The following SRD5A2 variants were observed in gnomAD, a reference collection of about 807,000 sequenced individuals.
The protein encoded by SRD5A2 is 3-oxo-5-alpha-steroid 4-dehydrogenase 2.
SRD5A2 carries 30 observed loss-of-function variants against 27.4 expected under a neutral mutation model. The ratio of observed to expected loss-of-function variants is 1.10; its 90% CI spans 0.82 to 1.49. The LOEUF (loss-of-function observed/expected upper bound fraction) is 1.49. Among genes scored for constraint, SRD5A2 ranks in the 40% most tolerant of loss-of-function variants. SRD5A2 has a pLI of 0.00. For synonymous variants in SRD5A2, 141 were observed against 133.6 expected (o/e 1.06, Z -0.38); for missense variants, 348 against 323.4 (o/e 1.08, Z -0.58).
chr2:31,640,861 CAA>C, the SRD5A2 span, among the ~76,000 whole-genome samples: 38 of 144,058 alleles, frequency 2.6e-4, no homozygotes, highest in Admixed American at 1.2e-3. Flanking sequence ...TGGTTTAAGG[CAA>C]AAAAAAAAGT....
upstream of SRD5A2, among the ~76,000 whole-genome samples, chr2:31,584,192 A>G (rs1667139283): frequency 6.6e-6 from 1 of 152,174 alleles, no homozygotes; most frequent in African/African-American, 2.4e-5. Context: ...TCTCCAGGAA[A>G]CAGCTAGCTG....
the SRD5A2 span, among the ~76,000 whole-genome samples, chr2:31,604,509 C>T: frequency 1.3e-5 from 2 of 151,792 alleles, no homozygotes; most frequent in African/African-American, 4.8e-5. Context: ...TATATCCCAA[C>T]AGTGAACAAT....
chr2:31,544,785 A>T (rs932972406), intron 1 of SRD5A2, among the ~76,000 whole-genome samples: 6 of 151,880 alleles, frequency 4.0e-5, no homozygotes, highest in Middle Eastern at 3.2e-3. Flanking sequence ...AATTTTTTTT[A>T]AAAATGACAA....
chr2:31,545,360 A>G (rs1185143202), intron 1 of SRD5A2, among the ~76,000 whole-genome samples: 1 of 152,130 alleles, frequency 6.6e-6, no homozygotes, highest in Admixed American at 6.5e-5. Flanking sequence ...TGAGCAGCAT[A>G]TAAACAGAAT....
the SRD5A2 span, among the ~76,000 whole-genome samples, chr2:31,631,874 A>G: frequency 3.2e-3 from 488 of 152,272 alleles, 2 homozygotes; most frequent in African/African-American, 0.011. Flanking sequence ...GAACAAGGAG[A>G]TTGGTGCTGC....
chr2:31,574,643 A>G (rs1666919413), intron 1 of SRD5A2, among the ~76,000 whole-genome samples: 1 of 152,232 alleles, frequency 6.6e-6, no homozygotes, highest in Admixed American at 6.5e-5. Context: ...AGTTCAAATA[A>G]AAACTTAGAA....
At chr2:31,551,379 A>C (rs1209563085) in intron 1 of SRD5A2, among the ~76,000 whole-genome samples, 4 of 152,160 alleles carry the variant, frequency 2.6e-5, no homozygotes, top group Non-Finnish European at 5.9e-5. Context: ...CAATGAGATT[A>C]CTTCCTGATA....
At chr2:31,542,904 C>A (rs1312569413) in intron 1 of SRD5A2, among the ~76,000 whole-genome samples, 2 of 152,042 alleles carry the variant, frequency 1.3e-5, no homozygotes, top group South Asian at 2.1e-4. Context: ...GTGAAAAATT[C>A]TTCGAATTTG....
At chr2:31,584,763 C>T (rs1221770047), upstream of SRD5A2, among the ~76,000 whole-genome samples, 1 of 152,210 alleles carries the variant, frequency 6.6e-6, no homozygotes, top group Non-Finnish European at 1.5e-5. Context: ...GAATAGAAGG[C>T]TCCACTGATT....
At position 31,580,506 on chromosome 2, in the gene SRD5A2, C is replaced by G. The variant is rs558048362; in HGVS notation, c.281+114G>C. On this transcript the variant is annotated intron_variant, in intron 1 of 4. Transcript: ENST00000622030. ...GGCAGGCTGGCCTCCGCGTTCCTCA[C>G]AGCGCCCCACGCTGCCTCCTTGGCG... The G allele has an allele frequency of 1.1e-4, 146 of 1,314,852 alleles. 1 individual carries two copies. The African/African-American group carries it at 2.0e-3, about 18-fold the overall frequency. 81.4% of individuals were successfully genotyped at this position (1,314,852 alleles called of 1,614,324 possible).
the SRD5A2 span, among the ~76,000 whole-genome samples, chr2:31,600,221 C>G: frequency 6.6e-6 from 1 of 151,952 alleles, no homozygotes; most frequent in African/African-American, 2.4e-5. Context: ...ATTTTTTTAT[C>G]CAGTCTGCCA....
intron 3 of SRD5A2, 66 bp from the exon 4 acceptor site, chr2:31,529,523 T>C (rs1322073966): frequency 2.5e-6 from 4 of 1,571,654 alleles, no homozygotes; most frequent in South Asian, 1.2e-5. Flanking sequence ...AACCCATCTG[T>C]GTTGTTCCAA....
At chr2:31,661,021 T>G in the SRD5A2 span, among the ~76,000 whole-genome samples, 29 of 152,216 alleles carry the variant, frequency 1.9e-4, no homozygotes, top group Non-Finnish European at 3.2e-4. Context: ...CAGCTCAAGT[T>G]AGTCAGATTT....
At chr2:31,559,750 T>C (rs963093547) in intron 1 of SRD5A2, among the ~76,000 whole-genome samples, 1 of 152,146 alleles carries the variant, frequency 6.6e-6, no homozygotes, top group Admixed American at 6.5e-5. Context: ...AAGTCAGGTA[T>C]GTTTGTCTAC....
Position 31,580,787 on chromosome 2 carries a change from C to T in SRD5A2, c.114G>A (p.Glu38=). The change falls in exon 1 of 5, where the codon GAG becomes GAA. Residue 38 remains glutamate, a synonymous_variant. Transcript: ENST00000622030. ...AKPSGYGKHT[E]SLKPAATRLP... Reference sequence around the variant, plus strand: ...GGCGGGTAGCCGCCGGCTTCAGGCTCTCCGTGTGCTTCCCGTAGCCGGAGG... The same window carrying T: ...GGCGGGTAGCCGCCGGCTTCAGGCTTTCCGTGTGCTTCCCGTAGCCGGAGG... 1 of 1,612,130 alleles carries T rather than the reference C, an allele frequency of 6.2e-7. No individual in the cohort carries two copies. Among genetic ancestry groups the T allele is most frequent in the Non-Finnish European group, 8.5e-7 (1 of 1,179,662 alleles).
chr2:31,523,887 C>T lies in SRD5A2; in HGVS notation c.*2309G>A, dbSNP rs981690329. 5 of 219,476 alleles carry T rather than the reference C, an allele frequency of 2.3e-5. No individual in the cohort carries two copies. The highest frequency in any genetic ancestry group is 1.1e-4 in the African/African-American group (5 of 44,590). 13.6% of individuals were successfully genotyped at this position (219,476 alleles called of 1,614,324 possible). A position where few individuals can be genotyped will look rare whatever the true frequency, so the allele number is the denominator to read the frequency against. On this transcript the variant is annotated 3_prime_UTR_variant, in exon 5 of 5. Coordinates refer to ENST00000622030, the MANE Select transcript of SRD5A2 (RefSeq NM_000348.4). ...AACAGCCCTAGAACACTGAGAATAC[C>T]TGAATTATCAAGGGAAGGTTTCAGC...
chr2:31,648,162 T>C, the SRD5A2 span, among the ~76,000 whole-genome samples: 2 of 152,152 alleles, frequency 1.3e-5, no homozygotes, highest in Non-Finnish European at 2.9e-5. Context: ...ATTAAATAAA[T>C]TCAGCATGTA....
intron 1 of SRD5A2, among the ~76,000 whole-genome samples, chr2:31,547,893 A>G (rs1450532761): frequency 6.6e-6 from 1 of 152,208 alleles, no homozygotes; most frequent in East Asian, 1.9e-4. Context: ...ATATAGATAT[A>G]GTTAGATAGA....
chr2:31,587,513 G>A, the SRD5A2 span, among the ~76,000 whole-genome samples: 1 of 152,136 alleles, frequency 6.6e-6, no homozygotes, highest in African/African-American at 2.4e-5. Flanking sequence ...GCCCATCAAT[G>A]GTAGACTGGA....
Sources: gnomAD v4.1 joint callset for allele counts (sites outside exome capture counted in the v4.1 genomes callset) on GRCh38, gnomAD v4.1.1 for gene constraint, MANE v1.5 for transcripts, NCBI Gene and HGNC (gene_info 2026-07-23, HGNC 2026-07-21) for gene names.